IL1RAPL1: variants seen among roughly 807,000 people sequenced by gnomAD.
IL1RAPL1 encodes the protein interleukin 1 receptor accessory protein like 1.
A neutral mutation model predicts 48.4 loss-of-function variants in IL1RAPL1; 3 were observed. The ratio of observed to expected loss-of-function variants is 0.06; its 90% CI spans 0.03 to 0.16. The LOEUF (loss-of-function observed/expected upper bound fraction) is 0.16, where lower values mean the gene tolerates loss of function less well. IL1RAPL1 is among the 10% of genes least tolerant of loss of function. The pLI, the probability that IL1RAPL1 is intolerant of heterozygous loss-of-function variation, is 1.00. For synonymous variants in IL1RAPL1, 185 were observed against 187.7 expected, an observed-to-expected ratio of 0.99 and a Z score of 0.12; for missense variants, 349 against 530.6, an observed-to-expected ratio of 0.66 and a Z score of 3.36.
At chrX:29,510,391 A>G (rs183889419) in intron 5 of IL1RAPL1, among the ~76,000 whole-genome samples, 1 of 112,386 alleles carries the variant, frequency 8.9e-6, no homozygotes, top group Admixed American at 9.4e-5. Context: ...CATTTGTTCT[A>G]GAGTTTCACA....
intron 5 of IL1RAPL1, among the ~76,000 whole-genome samples, chrX:29,642,233 G>A (rs930218585): frequency 1.8e-5 from 2 of 112,182 alleles, no homozygotes; most frequent in African/African-American, 6.5e-5. Flanking sequence ...TGAGTGAGAA[G>A]TGAGGCATCT....
At chrX:28,994,086 T>C (rs1925673799) in intron 2 of IL1RAPL1, among the ~76,000 whole-genome samples, 1 of 110,170 alleles carries the variant, frequency 9.1e-6, no homozygotes, top group African/African-American at 3.3e-5. Flanking sequence ...AAAAGTATGA[T>C]ATGTGGGTGA....
intron 2 of IL1RAPL1, among the ~76,000 whole-genome samples, chrX:29,100,333 A>G (rs778982647): frequency 6.2e-5 from 7 of 112,248 alleles, no homozygotes; most frequent in Non-Finnish European, 1.3e-4. Flanking sequence ...CCACTTCACA[A>G]TGTGGACAGG....
intron 1 of IL1RAPL1, among the ~76,000 whole-genome samples, chrX:28,597,775 G>A: frequency 9.1e-6 from 1 of 110,126 alleles, no homozygotes; most frequent in South Asian, 3.9e-4. Flanking sequence ...TACCAGTGCT[G>A]GATAAATACA....
At chrX:28,833,228 G>A (rs1161150775) in intron 2 of IL1RAPL1, among the ~76,000 whole-genome samples, 1 of 111,342 alleles carries the variant, frequency 9.0e-6, no homozygotes, top group Non-Finnish European at 1.9e-5. Context: ...CACCATTGAT[G>A]GGGCACCCAG....
chrX:29,470,478 T>C (rs750609870), intron 5 of IL1RAPL1, among the ~76,000 whole-genome samples: 2 of 111,463 alleles, frequency 1.8e-5, no homozygotes, highest in Non-Finnish European at 3.8e-5. Flanking sequence ...GATACCTCAA[T>C]ACCACATACC....
chrX:28,653,294 G>C (rs1046232604), intron 1 of IL1RAPL1, among the ~76,000 whole-genome samples: 1 of 110,856 alleles, frequency 9.0e-6, no homozygotes, highest in Admixed American at 9.6e-5. Flanking sequence ...GGCCAACATG[G>C]TGAAACCCTG....
chrX:29,805,474 A>G (rs1208629495), intron 6 of IL1RAPL1, among the ~76,000 whole-genome samples: 1 of 110,924 alleles, frequency 9.0e-6, no homozygotes, highest in East Asian at 2.8e-4. Context: ...ACAGTGCAAG[A>G]TGTTAAAAGC....
intron 2 of IL1RAPL1, among the ~76,000 whole-genome samples, chrX:29,154,987 A>T (rs1253343748): frequency 9.1e-6 from 1 of 109,607 alleles, no homozygotes; most frequent in East Asian, 2.8e-4. Flanking sequence ...CTAACATGGT[A>T]TCTTTTTCTT....
intron 5 of IL1RAPL1, among the ~76,000 whole-genome samples, chrX:29,574,823 A>G (rs1922722100): frequency 9.0e-6 from 1 of 111,611 alleles, no homozygotes; most frequent in African/African-American, 3.3e-5. Context: ...GCTGCTTAGA[A>G]ATTTCTTCCA....
intron 6 of IL1RAPL1, among the ~76,000 whole-genome samples, chrX:29,756,157 A>G (rs1177486250): frequency 8.9e-6 from 1 of 111,838 alleles, no homozygotes; most frequent in Non-Finnish European, 1.9e-5. Context: ...ATTATCTCCT[A>G]GTATACTGAA....
At chrX:29,535,468 G>A (rs1286161112) in intron 5 of IL1RAPL1, among the ~76,000 whole-genome samples, 1 of 111,531 alleles carries the variant, frequency 9.0e-6, no homozygotes, top group African/African-American at 3.3e-5. Flanking sequence ...GGCTCTTTGT[G>A]GGGTACCATC....
chrX:29,348,723 G>T (rs900214479), intron 3 of IL1RAPL1, among the ~76,000 whole-genome samples: 18 of 111,890 alleles, frequency 1.6e-4, no homozygotes, highest in African/African-American at 5.9e-4. Flanking sequence ...GATGCTGGAA[G>T]AATTTTGAGG....
intron 3 of IL1RAPL1, among the ~76,000 whole-genome samples, chrX:29,319,160 G>GTCTGTCTGTCTGTCTA: frequency 1.2e-5 from 1 of 84,986 alleles, no homozygotes; most frequent in African/African-American, 4.6e-5. Flanking sequence ...CTATCTGTCT[G>GTCTGTCTGTCTGTCTA]TCTATCTATC....
chrX:28,624,026 T>C (rs896262238), intron 1 of IL1RAPL1, among the ~76,000 whole-genome samples: 1 of 111,849 alleles, frequency 8.9e-6, no homozygotes, highest in African/African-American at 3.2e-5. Context: ...AATTTGAACA[T>C]TTCATATATT....
intron 2 of IL1RAPL1, among the ~76,000 whole-genome samples, chrX:29,019,999 A>C (rs1320119899): frequency 4.4e-5 from 5 of 112,580 alleles, no homozygotes; most frequent in African/African-American, 1.3e-4. Context: ...CATCACCTAC[A>C]GCTTTATGTC....
chrX:29,932,266 G>A (rs1932959683), intron 8 of IL1RAPL1, among the ~76,000 whole-genome samples: 1 of 111,883 alleles, frequency 8.9e-6, no homozygotes. Context: ...AAAGGGGAAA[G>A]GTTTTCTGCA....
intron 6 of IL1RAPL1, among the ~76,000 whole-genome samples, chrX:29,697,599 A>C (rs773544152): frequency 8.9e-6 from 1 of 111,814 alleles, no homozygotes; most frequent in African/African-American, 3.2e-5. Flanking sequence ...ATTTGGAATA[A>C]ATTCAGAAAT....
chrX:29,515,666 C>T (rs1935437697), intron 5 of IL1RAPL1, among the ~76,000 whole-genome samples: 1 of 111,523 alleles, frequency 9.0e-6, no homozygotes, highest in Non-Finnish European at 1.9e-5. Context: ...TGGATTGTTT[C>T]CAATTTTTGA....
Sources: allele counts gnomAD v4.1 joint callset (sites outside exome capture counted in the v4.1 genomes callset), GRCh38; gene constraint gnomAD v4.1.1; transcripts MANE v1.5; gene names NCBI Gene and HGNC (gene_info 2026-07-23, HGNC 2026-07-21).